SGCD: variants seen among roughly 807,000 people sequenced by gnomAD.
SGCD encodes the protein sarcoglycan delta, also known as delta-sarcoglycan.
A neutral mutation model predicts 36.6 loss-of-function variants in SGCD; 18 were observed. The ratio of observed to expected loss-of-function variants is 0.49; its 90% CI spans 0.34 to 0.73. The LOEUF (loss-of-function observed/expected upper bound fraction) is 0.73. Among genes scored for constraint, SGCD ranks in the 30% least tolerant of loss-of-function variants. The pLI, the probability that SGCD is intolerant of heterozygous loss-of-function variation, is 0.01. For missense variants in SGCD, 387 were observed against 346.7 expected (o/e 1.12, Z -0.92); for synonymous variants, 133 against 130.6 (o/e 1.02, Z -0.12).
At chr5:155,944,096 C>G (rs1013411348) in intron 1 of SGCD, among the ~76,000 whole-genome samples, 1 of 152,170 alleles carries the variant, frequency 6.6e-6, no homozygotes, top group East Asian at 1.9e-4. Context: ...GGCTGAATGT[C>G]TCCATTTCTT....
chr5:156,129,680 C>G (rs1762263937), intron 3 of SGCD, among the ~76,000 whole-genome samples: 1 of 152,092 alleles, frequency 6.6e-6, no homozygotes, highest in African/African-American at 2.4e-5. Context: ...CTGTTGTTCC[C>G]TTCTTTGTGT....
chr5:156,124,974 C>G (rs191668939), intron 3 of SGCD, among the ~76,000 whole-genome samples: 1 of 152,090 alleles, frequency 6.6e-6, no homozygotes, highest in Non-Finnish European at 1.5e-5. Context: ...GGTCAGGGGC[C>G]AGGCTCATTC....
chr5:156,696,138 C>T (rs1754310249), intron 7 of SGCD, among the ~76,000 whole-genome samples: 1 of 152,164 alleles, frequency 6.6e-6, no homozygotes, highest in Non-Finnish European at 1.5e-5. Context: ...GGAATTATCT[C>T]CCTAGTTATG....
chr5:156,559,292 C>T (rs912464123), intron 4 of SGCD, among the ~76,000 whole-genome samples: 7 of 152,136 alleles, frequency 4.6e-5, no homozygotes, highest in African/African-American at 1.7e-4. Flanking sequence ...GTCATCCCCT[C>T]CTTCTCTAGG....
chr5:156,635,521 C>T (rs1212264101), intron 6 of SGCD, among the ~76,000 whole-genome samples: 1 of 152,016 alleles, frequency 6.6e-6, no homozygotes, highest in African/African-American at 2.4e-5. Flanking sequence ...TTGACCCAGC[C>T]ATCCCATTAC....
chr5:156,322,606 G>A (rs577075573), upstream of SGCD, among the ~76,000 whole-genome samples: 34 of 152,200 alleles, frequency 2.2e-4, no homozygotes, highest in Non-Finnish European at 5.0e-4. Flanking sequence ...TCTAGAGGAA[G>A]TGATAATGGA....
At chr5:156,564,463 A>G (rs1759396508) in intron 4 of SGCD, among the ~76,000 whole-genome samples, 2 of 152,118 alleles carry the variant, frequency 1.3e-5, no homozygotes, top group African/African-American at 4.8e-5. Context: ...ACAAAACAAA[A>G]CAAAACAATT....
intron 1 of SGCD, among the ~76,000 whole-genome samples, chr5:156,026,372 G>C (rs761822128): frequency 6.6e-6 from 1 of 152,210 alleles, no homozygotes. Flanking sequence ...TCTGAGGGAA[G>C]TGGATATATA....
intron 3 of SGCD, among the ~76,000 whole-genome samples, chr5:156,235,072 T>C (rs187081451): frequency 6.6e-6 from 1 of 152,160 alleles, no homozygotes. Flanking sequence ...TAAATCAAAG[T>C]CTAGAGCCTG....
At chr5:156,075,199 A>C (rs1760736561) in intron 1 of SGCD, among the ~76,000 whole-genome samples, 3 of 152,322 alleles carry the variant, frequency 2.0e-5, no homozygotes, top group Admixed American at 6.5e-5. Context: ...TTACAAAAAA[A>C]AAATGCAGAA....
intron 5 of SGCD, among the ~76,000 whole-genome samples, chr5:156,594,673 G>T (rs1760853352): frequency 6.6e-6 from 1 of 152,114 alleles, no homozygotes; most frequent in African/African-American, 2.4e-5. Context: ...TTTGGAGGAA[G>T]GGCTTGCTGG....
the SGCD span, among the ~76,000 whole-genome samples, chr5:155,743,457 G>A: frequency 6.6e-6 from 1 of 152,192 alleles, no homozygotes; most frequent in African/African-American, 2.4e-5. Context: ...TTCCCATTAT[G>A]TCACAATAAC....
At chr5:155,889,531 C>T (rs924395392) in intron 1 of SGCD, among the ~76,000 whole-genome samples, 8 of 151,926 alleles carry the variant, frequency 5.3e-5, no homozygotes, top group Admixed American at 1.3e-4. Flanking sequence ...ATCAGCTTAC[C>T]GATTATTTAT....
At chr5:155,765,368 A>G in the SGCD span, among the ~76,000 whole-genome samples, 1 of 140,750 alleles carries the variant, frequency 7.1e-6, no homozygotes, top group African/African-American at 2.6e-5. Context: ...GGGAGGGAGG[A>G]AGGAAGGAAG....
chr5:156,384,267 T>C (rs1415202896), intron 3 of SGCD, among the ~76,000 whole-genome samples: 1 of 152,254 alleles, frequency 6.6e-6, no homozygotes, highest in Non-Finnish European at 1.5e-5. Context: ...TTACTCTTTC[T>C]TAGCTCCAGT....
intron 3 of SGCD, among the ~76,000 whole-genome samples, chr5:156,165,270 A>G (rs1763185852): frequency 6.6e-6 from 1 of 152,230 alleles, no homozygotes; most frequent in Non-Finnish European, 1.5e-5. Flanking sequence ...GGGCATTCTC[A>G]GTGGTAGAAC....
At chr5:155,864,855 C>T in the SGCD span, among the ~76,000 whole-genome samples, 1 of 152,154 alleles carries the variant, frequency 6.6e-6, no homozygotes, top group Non-Finnish European at 1.5e-5. Context: ...AATAGGAACC[C>T]ATCTTTTAGT....
chr5:156,192,557 G>C (rs1763918207), intron 3 of SGCD, among the ~76,000 whole-genome samples: 1 of 152,028 alleles, frequency 6.6e-6, no homozygotes, highest in Non-Finnish European at 1.5e-5. Context: ...ACGTTTGACA[G>C]TAGAGTAGGG....
intron 3 of SGCD, among the ~76,000 whole-genome samples, chr5:156,176,618 A>G (rs1464436678): frequency 2.0e-5 from 3 of 152,252 alleles, no homozygotes; most frequent in East Asian, 1.9e-4. Flanking sequence ...TATGTTTATC[A>G]TTCAATGTAA....
Sources: gnomAD v4.1 joint callset for allele counts (sites outside exome capture counted in the v4.1 genomes callset) on GRCh38, gnomAD v4.1.1 for gene constraint, MANE v1.5 for transcripts, NCBI Gene and HGNC (gene_info 2026-07-23, HGNC 2026-07-21) for gene names.